The following ANO10 variants were observed in gnomAD, a reference collection of about 807,000 sequenced individuals.
ANO10 encodes anoctamin-10.
ANO10 carries 77 observed loss-of-function variants against 74.7 expected under a neutral mutation model. The observed-to-expected ratio is 1.03, with a 90% CI of 0.86 to 1.25. The LOEUF (loss-of-function observed/expected upper bound fraction) is 1.25. ANO10 is among the 50% of genes most tolerant of loss of function. The pLI, the probability that ANO10 is intolerant of heterozygous loss-of-function variation, is 0.00. For synonymous variants in ANO10, 279 were observed against 284.9 expected, an observed-to-expected ratio of 0.98 and a Z score of 0.21; for missense variants, 721 against 778.1, an observed-to-expected ratio of 0.93 and a Z score of 0.87.
chr3:43,592,608 T>C (rs1220863695), intron 4 of ANO10, among the ~76,000 whole-genome samples: 1 of 152,126 alleles, frequency 6.6e-6, no homozygotes, highest in African/African-American at 2.4e-5. Flanking sequence ...ATCACCATGA[T>C]CAAAGACCAA....
intron 11 of ANO10, among the ~76,000 whole-genome samples, chr3:43,511,686 C>G (rs1383602942): frequency 3.3e-5 from 5 of 152,132 alleles, no homozygotes; most frequent in African/African-American, 7.2e-5. Flanking sequence ...CTAAGAGGAT[C>G]AGAGAGTCAT....
At chr3:43,609,346 A>G (rs2082706878) in intron 1 of ANO10, among the ~76,000 whole-genome samples, 1 of 152,216 alleles carries the variant, frequency 6.6e-6, no homozygotes, top group Non-Finnish European at 1.5e-5. Context: ...ACAAAGTGAA[A>G]CCATATTACA....
intron 7 of ANO10, among the ~76,000 whole-genome samples, chr3:43,572,048 G>A (rs1285661013): frequency 6.6e-6 from 1 of 152,094 alleles, no homozygotes; most frequent in Non-Finnish European, 1.5e-5. Flanking sequence ...CAGAGCTGAA[G>A]GAACAGCACA....
chr3:43,691,422 G>A (rs2084380253), intron 1 of ANO10: 1 of 168,932 alleles, frequency 5.9e-6, no homozygotes, highest in Non-Finnish European at 1.3e-5. Flanking sequence ...TGCCGCCGGC[G>A]GGCGGTGCCC....
At chr3:43,540,525 A>G (rs772226775) in intron 11 of ANO10, among the ~76,000 whole-genome samples, 31 of 152,254 alleles carry the variant, frequency 2.0e-4, no homozygotes, top group Non-Finnish European at 3.5e-4. Flanking sequence ...TTTCATAGAA[A>G]TGATGGCTCT....
chr3:43,581,675 C>T (rs1053122709), intron 4 of ANO10, among the ~76,000 whole-genome samples: 5 of 152,124 alleles, frequency 3.3e-5, no homozygotes, highest in Non-Finnish European at 4.4e-5. Flanking sequence ...AATTCCAGCA[C>T]TTTAGGAGGC....
chr3:43,426,630 C>T (rs977394035), intron 12 of ANO10, among the ~76,000 whole-genome samples: 2 of 152,190 alleles, frequency 1.3e-5, no homozygotes, highest in Non-Finnish European at 2.9e-5. Context: ...CCTTGTGCTC[C>T]AGGCCACGGA....
intron 1 of ANO10, among the ~76,000 whole-genome samples, chr3:43,635,411 A>G (rs948323492): frequency 6.6e-6 from 1 of 152,228 alleles, no homozygotes; most frequent in African/African-American, 2.4e-5. Context: ...ATCTGGCCAT[A>G]TAACCTATAG....
At chr3:43,592,061 C>G (rs187353269) in intron 4 of ANO10, among the ~76,000 whole-genome samples, 141 of 152,338 alleles carry the variant, frequency 9.3e-4, no homozygotes, top group African/African-American at 3.2e-3. Flanking sequence ...GGGGCGCCCG[C>G]CATTGCTGAA....
At chr3:43,690,784 T>C in intron 1 of ANO10, 2 of 449,502 alleles carry the variant, frequency 4.4e-6, no homozygotes, top group East Asian at 3.7e-5. Context: ...GCGGGAGAAC[T>C]AGTGCATGCT....
intron 1 of ANO10, among the ~76,000 whole-genome samples, chr3:43,652,420 T>C (rs2149569036): frequency 6.6e-6 from 1 of 152,322 alleles, no homozygotes; most frequent in Non-Finnish European, 1.5e-5. Flanking sequence ...AACAGTCTTT[T>C]CAACAAACAG....
At chr3:43,527,858 A>C (rs1026687720) in intron 11 of ANO10, among the ~76,000 whole-genome samples, 2 of 152,184 alleles carry the variant, frequency 1.3e-5, no homozygotes, top group African/African-American at 4.8e-5. Context: ...AATCAAAAGG[A>C]TAGTGCTTGA....
At chr3:43,684,342 A>T (rs1018412469) in intron 1 of ANO10, among the ~76,000 whole-genome samples, 3 of 152,252 alleles carry the variant, frequency 2.0e-5, no homozygotes, top group Non-Finnish European at 1.5e-5. Flanking sequence ...GCTCATCATC[A>T]CTGGTTATCA....
chr3:43,540,182 C>CA (rs1228875672), intron 11 of ANO10, among the ~76,000 whole-genome samples: 1 of 152,174 alleles, frequency 6.6e-6, no homozygotes, highest in East Asian at 1.9e-4. Context: ...CAGAATCATA[C>CA]AAAATGCATA....
Position 43,523,572 on chromosome 3 carries a change from G to A in ANO10, c.1797+26148C>T, listed in dbSNP as rs952966239. ...ACAAGGCACTGAGTGGAGAAGAAATGGGTTAGATGAAACAACCACCTGGAC... is the reference window on the plus strand; with the variant it reads ...ACAAGGCACTGAGTGGAGAAGAAATAGGTTAGATGAAACAACCACCTGGAC... On this transcript the variant is annotated intron_variant, in intron 11 of 12. Transcript: ENST00000292246. Among the ~76,000 whole-genome samples the A allele has an allele frequency of 1.1e-4, 17 of 152,244 alleles. 1 individual carries two copies. The highest frequency in any genetic ancestry group is 1.0e-3 in the Admixed American group (16 of 15,284).
intron 4 of ANO10, among the ~76,000 whole-genome samples, chr3:43,585,393 T>C (rs956905368): frequency 6.6e-6 from 1 of 152,164 alleles, no homozygotes; most frequent in Non-Finnish European, 1.5e-5. Context: ...AAAAGCCTCA[T>C]CCTGCCAGCA....
At chr3:43,650,334 G>C (rs1310398081) in intron 1 of ANO10, among the ~76,000 whole-genome samples, 1 of 152,066 alleles carries the variant, frequency 6.6e-6, no homozygotes, top group Non-Finnish European at 1.5e-5. Flanking sequence ...AGCATTTATG[G>C]GTGTAAGATA....
chr3:43,377,500 G>A (rs140762240), intron 12 of ANO10, among the ~76,000 whole-genome samples: 4 of 152,284 alleles, frequency 2.6e-5, no homozygotes, highest in Non-Finnish European at 5.9e-5. Flanking sequence ...CAAGGAGGGC[G>A]GCAGCATTGT....
intron 1 of ANO10, among the ~76,000 whole-genome samples, chr3:43,681,839 TA>T (rs752176744): frequency 1.1e-4 from 16 of 152,262 alleles, no homozygotes; most frequent in Non-Finnish European, 2.4e-4. Flanking sequence ...ACTGGGTACA[TA>T]ACGAAATGAA....
Sources: gnomAD v4.1 joint callset for allele counts (sites outside exome capture counted in the v4.1 genomes callset) on GRCh38, gnomAD v4.1.1 for gene constraint, MANE v1.5 for transcripts, NCBI Gene and HGNC (gene_info 2026-07-23, HGNC 2026-07-21) for gene names.